XKR9: variants seen among roughly 807,000 people sequenced by gnomAD.
XKR9 encodes XK-related protein 9.
XKR9 carries 32 observed loss-of-function variants against 32.0 expected under a neutral mutation model. The ratio of observed to expected loss-of-function variants is 1.00; its 90% CI spans 0.76 to 1.34. XKR9 has a LOEUF of 1.34. Ranked by LOEUF, XKR9 falls within the 40% of genes most tolerant of loss-of-function variation. XKR9 has a pLI of 0.00. For missense variants in XKR9, 546 were observed against 429.7 expected (o/e 1.27, Z -2.39); for synonymous variants, 168 against 143.4 (o/e 1.17, Z -1.22).
chr8:70,770,789 G>A (rs1296292247), intron 2 of XKR9, among the ~76,000 whole-genome samples: 2 of 152,186 alleles, frequency 1.3e-5, no homozygotes, highest in African/African-American at 4.8e-5. Flanking sequence ...GTCCCAGGTG[G>A]ACTTCAGACT....
chr8:70,926,265 T>C, the XKR9 span, among the ~76,000 whole-genome samples: 1 of 152,256 alleles, frequency 6.6e-6, no homozygotes, highest in Admixed American at 6.5e-5. Flanking sequence ...GAGATGGTGT[T>C]TCACCATGTT....
chr8:70,979,706 C>T, the XKR9 span, among the ~76,000 whole-genome samples: 197 of 152,308 alleles, frequency 1.3e-3, no homozygotes, highest in Non-Finnish European at 1.6e-3. Flanking sequence ...TTTGGCTACA[C>T]GGGGGTCAGG....
At chr8:70,696,298 G>A (rs182458012) in intron 3 of XKR9, among the ~76,000 whole-genome samples, 8 of 152,276 alleles carry the variant, frequency 5.3e-5, no homozygotes, top group African/African-American at 1.9e-4. Context: ...TTTTCTTCTA[G>A]GGATTTTATG....
At chr8:70,968,433 T>G in the XKR9 span, among the ~76,000 whole-genome samples, 1 of 152,224 alleles carries the variant, frequency 6.6e-6, no homozygotes, top group Non-Finnish European at 1.5e-5. Flanking sequence ...TGAAGCCTAC[T>G]TCTGCCATTT....
At chr8:70,681,418 A>G (rs559894688) in intron 3 of XKR9, 88 bp downstream of exon 3, 14 of 1,451,164 alleles carry the variant, frequency 9.6e-6, no homozygotes, top group Non-Finnish European at 1.3e-5. Context: ...AGTCAAATGT[A>G]CAAAGATCCC....
the XKR9 span, among the ~76,000 whole-genome samples, chr8:70,965,749 C>G: frequency 1.3e-5 from 2 of 152,124 alleles, no homozygotes; most frequent in Non-Finnish European, 2.9e-5. Context: ...TAGAGGTGTT[C>G]ATAGTATTCT....
chr8:70,752,090 C>G (rs1300257101), intron 2 of XKR9, among the ~76,000 whole-genome samples: 1 of 152,298 alleles, frequency 6.6e-6, no homozygotes, highest in South Asian at 2.1e-4. Flanking sequence ...ATTAATACAA[C>G]TCTCACTCCT....
At chr8:70,712,286 T>A (rs1273979514) in intron 4 of XKR9, among the ~76,000 whole-genome samples, 1 of 152,146 alleles carries the variant, frequency 6.6e-6, no homozygotes, top group Non-Finnish European at 1.5e-5. Flanking sequence ...AAATATTGGA[T>A]AAAATATCTT....
the XKR9 span, among the ~76,000 whole-genome samples, chr8:70,984,344 C>G: frequency 2.0e-5 from 3 of 152,216 alleles, no homozygotes; most frequent in African/African-American, 7.2e-5. Context: ...CCTCTGAAGT[C>G]TTACTGCATC....
At chr8:70,993,144 A>G in the XKR9 span, among the ~76,000 whole-genome samples, 1 of 151,688 alleles carries the variant, frequency 6.6e-6, no homozygotes, top group African/African-American at 2.4e-5. Context: ...CTGAGAGTAA[A>G]TCCTGGTGTC....
chr8:70,903,117 T>A, the XKR9 span, among the ~76,000 whole-genome samples: 9 of 152,266 alleles, frequency 5.9e-5, no homozygotes, highest in Admixed American at 5.2e-4. Context: ...TTGTTGTGGT[T>A]CCGCCAGGCT....
chr8:71,027,924 C>G, the XKR9 span, among the ~76,000 whole-genome samples: 2 of 151,906 alleles, frequency 1.3e-5, no homozygotes, highest in Non-Finnish European at 2.9e-5. Flanking sequence ...AGTGCAGCAC[C>G]TTGCACAGCT....
the XKR9 span, among the ~76,000 whole-genome samples, chr8:71,023,862 G>T: frequency 6.6e-6 from 1 of 152,160 alleles, no homozygotes; most frequent in Non-Finnish European, 1.5e-5. Context: ...TAGAAGGAGT[G>T]CCCAGATGCC....
At chr8:71,014,555 G>A in the XKR9 span, among the ~76,000 whole-genome samples, 1 of 152,110 alleles carries the variant, frequency 6.6e-6, no homozygotes. Context: ...AAGAACACCT[G>A]CCATTGGATT....
chr8:70,740,220 A>G (rs529749810), downstream of XKR9, among the ~76,000 whole-genome samples: 2 of 151,768 alleles, frequency 1.3e-5, no homozygotes, highest in African/African-American at 4.8e-5. Context: ...CATTCATTTC[A>G]TCTTCCATCA....
At chr8:70,846,091 G>A in the XKR9 span, among the ~76,000 whole-genome samples, 5 of 152,218 alleles carry the variant, frequency 3.3e-5, no homozygotes, top group Admixed American at 6.5e-5. Context: ...CCCATCAGGT[G>A]AACAGTGGAT....
the XKR9 span, among the ~76,000 whole-genome samples, chr8:70,799,542 G>T: frequency 6.6e-6 from 1 of 152,072 alleles, no homozygotes; most frequent in Non-Finnish European, 1.5e-5. Context: ...ATGTTGCCCA[G>T]GGTGGTCATG....
chr8:70,988,553 C>T, the XKR9 span, among the ~76,000 whole-genome samples: 1 of 152,158 alleles, frequency 6.6e-6, no homozygotes, highest in African/African-American at 2.4e-5. Context: ...TGCCACATGG[C>T]TCCCTGCATG....
chr8:70,955,412 T>C, the XKR9 span, among the ~76,000 whole-genome samples: 2 of 152,354 alleles, frequency 1.3e-5, no homozygotes, highest in South Asian at 4.1e-4. Flanking sequence ...AAGGATGTTA[T>C]ATATTTGATT....
Sources: allele counts gnomAD v4.1 joint callset (sites outside exome capture counted in the v4.1 genomes callset), GRCh38; gene constraint gnomAD v4.1.1; transcripts MANE v1.5; gene names NCBI Gene and HGNC (gene_info 2026-07-23, HGNC 2026-07-21).